The following COL4A3 variants were observed in gnomAD, a reference collection of about 807,000 sequenced individuals.
COL4A3 encodes collagen alpha-3(IV) chain.
COL4A3 carries 135 observed loss-of-function variants against 217.4 expected under a neutral mutation model. That is an observed-to-expected ratio of 0.62 (90% CI 0.54 to 0.72). The LOEUF (loss-of-function observed/expected upper bound fraction) is 0.72, where lower values mean the gene tolerates loss of function less well. Among genes scored for constraint, COL4A3 ranks in the 30% least tolerant of loss-of-function variants. The pLI is 0.00. For missense variants in COL4A3, 1,868 were observed against 2,119.9 expected (o/e 0.88, Z 2.33); for synonymous variants, 690 against 736.3 (o/e 0.94, Z 1.02).
Position 227,280,469 on chromosome 2 carries a change from A to G in COL4A3, c.2253A>G (p.Gly751=). 6.2e-7 allele frequency: 1 copy of G among 1,614,108 alleles called. No homozygotes were observed. Among genetic ancestry groups the G allele is most frequent in the African/African-American group, 1.3e-5 (1 of 75,036 alleles). ...AACCAGCAGTAGCCATGCCTGGAGG[A>G]CCAGGAACACCAGGTTTTCCAGGAG... is the stretch of plus-strand genomic sequence containing the variant. ...KGEPAVAMPG[G]PGTPGFPGER... Residue 751 remains glycine (G), a synonymous_variant, in exon 30 of 52, where the codon GGA becomes GGG. Coordinates refer to ENST00000396578, the MANE Select transcript of COL4A3 (RefSeq NM_000091.5).
intron 18 of COL4A3, 74 bp from the exon 19 acceptor site, chr2:227,259,719 C>G (rs531110036): frequency 1.8e-6 from 2 of 1,100,010 alleles, no homozygotes; most frequent in South Asian, 2.5e-5. Context: ...AATGAAGAAA[C>G]TGAAGTAATG....
chr2:227,309,395 T>A (rs2073650450), intron 50 of COL4A3, 77 bp downstream of exon 50: 2 of 1,144,002 alleles, frequency 1.7e-6, no homozygotes, highest in Admixed American at 1.9e-5. Context: ...AAAATGTGAT[T>A]CCCAGGGTCG....
chr2:227,285,105 G>C (rs2072230741), intron 34 of COL4A3, among the ~76,000 whole-genome samples: 1 of 151,796 alleles, frequency 6.6e-6, no homozygotes, highest in Non-Finnish European at 1.5e-5. Context: ...AGGAATAAAA[G>C]AAAAATGTAT....
At chr2:227,311,049 C>T (rs2073722414) in intron 51 of COL4A3, 101 bp downstream of exon 51, 2 of 1,270,880 alleles carry the variant, frequency 1.6e-6, no homozygotes, top group Non-Finnish European at 1.1e-6. Flanking sequence ...TTTTGTACTA[C>T]TGTGCCAATA....
At chr2:227,234,559 G>T (rs998179048) in intron 1 of COL4A3, among the ~76,000 whole-genome samples, 8 of 152,178 alleles carry the variant, frequency 5.3e-5, no homozygotes, top group African/African-American at 1.9e-4. Flanking sequence ...GATTCATCCA[G>T]TCAATCCATA....
Position 227,253,239 on chromosome 2 carries a change from A to C in COL4A3, c.646-57A>C, listed in dbSNP as rs1291865601. On this transcript the variant is annotated intron_variant, in intron 11 of 51. Transcript: ENST00000396578. The surrounding 1 kb of genome is among the most constrained non-coding windows in gnomAD (Gnocchi z 4.4). ...CAAATATTGGAACTTTGATGGGTTT[A>C]GACTATTTATTCATATTTATTTTTA... 2.8e-6 allele frequency: 4 copies of C among 1,420,460 alleles called. No homozygotes were observed. Among genetic ancestry groups the C allele is most frequent in the Non-Finnish European group, 4.0e-6 (4 of 1,006,046 alleles). 88.0% of individuals were successfully genotyped at this position (1,420,460 alleles called of 1,614,324 possible).
At chr2:227,294,630 G>A in intron 39 of COL4A3, 60 bp downstream of exon 39, 4 of 1,278,490 alleles carry the variant, frequency 3.1e-6, no homozygotes, top group Non-Finnish European at 4.6e-6. Flanking sequence ...TTCTCCTGAG[G>A]TTTGGATTTC....
At chr2:227,176,782 C>A (rs2065689138) in intron 1 of COL4A3, among the ~76,000 whole-genome samples, 1 of 152,144 alleles carries the variant, frequency 6.6e-6, no homozygotes, top group African/African-American at 2.4e-5. Flanking sequence ...CTGCAATATT[C>A]TTTCTCTGTA....
At chr2:227,170,731 T>G (rs2065447188) in intron 1 of COL4A3, among the ~76,000 whole-genome samples, 2 of 152,240 alleles carry the variant, frequency 1.3e-5, no homozygotes, top group Non-Finnish European at 2.9e-5. Flanking sequence ...TTTTGTCTCA[T>G]TACTGAAGTT....
At chr2:227,264,009 G>A in intron 21 of COL4A3, 65 bp downstream of exon 21, 2 of 1,578,606 alleles carry the variant, frequency 1.3e-6, no homozygotes, top group Middle Eastern at 1.7e-4. Flanking sequence ...GCAAACCACG[G>A]GCAACAAACC....
At position 227,226,279 on chromosome 2, in the gene COL4A3, C is replaced by A. The variant is rs545374204; in HGVS notation, c.88-11689C>A. ...TTTGGACTAGAGGATCTGCTGGGTT[C>A]TTCCAGTCCCCAAATTGTATTCCCT... is the stretch of plus-strand genomic sequence containing the variant. On this transcript the variant is annotated intron_variant, in intron 1 of 51. Coordinates refer to ENST00000396578, the MANE Select transcript of COL4A3 (RefSeq NM_000091.5). 3.9e-5 allele frequency among the ~76,000 whole-genome samples: 6 copies of A among 152,278 alleles called. No individual in the cohort carries two copies. In the South Asian group the frequency reaches 1.2e-3, roughly 32 times the overall value.
chr2:227,232,162 A>G (rs1281189710), intron 1 of COL4A3, among the ~76,000 whole-genome samples: 3 of 152,208 alleles, frequency 2.0e-5, no homozygotes, highest in Non-Finnish European at 4.4e-5. Flanking sequence ...GTGGCTGCAT[A>G]GTACTCCATT....
At chr2:227,221,889 G>C (rs1484334039) in intron 1 of COL4A3, among the ~76,000 whole-genome samples, 2 of 151,808 alleles carry the variant, frequency 1.3e-5, no homozygotes, top group Non-Finnish European at 2.9e-5. Flanking sequence ...AAAAAAAAGT[G>C]AAAATAAGTG....
intron 1 of COL4A3, among the ~76,000 whole-genome samples, chr2:227,225,159 G>A (rs576707992): frequency 9.2e-5 from 14 of 152,304 alleles, no homozygotes; most frequent in African/African-American, 2.9e-4. Context: ...TCCCACCTTG[G>A]CCTCCCAAAA....
rs201255718 is a variant in COL4A3, at chr2:227,191,492, C to G, written c.87+26679C>G. Among the ~76,000 whole-genome samples, 1 of 152,152 alleles carries G rather than the reference C, an allele frequency of 6.6e-6. No individual in the cohort carries two copies. The highest frequency in any genetic ancestry group is 2.4e-5 in the African/African-American group (1 of 41,430). ...TACAAATGTTGAATGGCTCCATCCA[C>G]GGTGCATTTGTGGAGCTCCCCTGTT... On this transcript the variant is annotated intron_variant, in intron 1 of 51. Transcript: ENST00000396578. The surrounding 1 kb of genome is among the most constrained non-coding windows in gnomAD (Gnocchi z 6.8).
chr2:227,258,894 T>C (rs2070366858), intron 18 of COL4A3, among the ~76,000 whole-genome samples: 1 of 152,188 alleles, frequency 6.6e-6, no homozygotes, highest in Non-Finnish European at 1.5e-5. Flanking sequence ...TATTATGTTA[T>C]ATTATTAATA....
rs765336013 is a variant in COL4A3, at chr2:227,259,802, T to A, written c.1039T>A (p.Tyr347Asn). The A allele has an allele frequency of 5.0e-6, 8 of 1,611,426 alleles. No individual in the cohort carries two copies. In the African/African-American group the frequency reaches 1.1e-4, roughly 22 times the overall value. Residue 347 changes from tyrosine to asparagine, a missense_variant, in exon 19 of 52, where the codon TAT becomes AAT. By Grantham distance (143) the Tyr-to-Asn change is moderately radical. Transcript: ENST00000396578. Reference protein sequence around the residue: ...PPGFRGPTEYYDTYQEKGDEG... With the variant: ...PPGFRGPTEYNDTYQEKGDEG... ...TTCTTTCTCCTCTAAGACAGAATATTATGACACATACCAGGAAAAGGGAGA... is the reference window on the plus strand; with the variant it reads ...TTCTTTCTCCTCTAAGACAGAATATAATGACACATACCAGGAAAAGGGAGA...
chr2:227,267,009 G>C lies in COL4A3; in HGVS notation c.1425G>C (p.Leu475=), dbSNP rs1318569411. The change falls in exon 23 of 52, where the codon CTG becomes CTC. Residue 475 remains leucine (L), a synonymous_variant. Transcript: ENST00000396578. ...TCATTGCAGGAGAACCAGGCCTCCT[G>C]TGTACACAGTGCCCTTATATCCCAG... ...VDGPKGEPGL[L]CTQCPYIPGP... 1 of 1,613,858 alleles carries C rather than the reference G, an allele frequency of 6.2e-7. No homozygotes were observed. Among genetic ancestry groups the C allele is most frequent in the South Asian group, 1.1e-5 (1 of 91,078 alleles).
chr2:227,199,636 C>T (rs1394190818), intron 1 of COL4A3, among the ~76,000 whole-genome samples: 1 of 152,144 alleles, frequency 6.6e-6, no homozygotes, highest in Non-Finnish European at 1.5e-5. Flanking sequence ...CATTGTCGTC[C>T]ATAACCCACA....
Sources: allele counts gnomAD v4.1 joint callset (sites outside exome capture counted in the v4.1 genomes callset), GRCh38; gene constraint gnomAD v4.1.1; non-coding constraint Gnocchi (gnomAD v3.1); transcripts MANE v1.5; gene names NCBI Gene and HGNC (gene_info 2026-07-23, HGNC 2026-07-21).